KLHL14: variants seen among roughly 807,000 people sequenced by gnomAD.
KLHL14 encodes kelch-like protein 14.
KLHL14 carries 22 observed loss-of-function variants against 64.3 expected under a neutral mutation model. The ratio of observed to expected loss-of-function variants is 0.34; its 90% CI spans 0.24 to 0.49. The LOEUF (loss-of-function observed/expected upper bound fraction) is 0.49, where lower values mean the gene tolerates loss of function less well. Ranked by LOEUF, KLHL14 falls within the 20% of genes least tolerant of loss-of-function variation. The pLI, the probability that KLHL14 is intolerant of heterozygous loss-of-function variation, is 0.99. For synonymous variants in KLHL14, 322 were observed against 333.4 expected (o/e 0.97, Z 0.37); for missense variants, 661 against 789.0 (o/e 0.84, Z 1.94).
Position 32,770,863 on chromosome 18 carries a change from G to T in KLHL14, c.-43-229C>A. On this transcript the variant is annotated intron_variant, in intron 1 of 8. Coordinates refer to ENST00000359358, the MANE Select transcript of KLHL14 (RefSeq NM_020805.3). The surrounding 1 kb of genome is among the most constrained non-coding windows in gnomAD (Gnocchi z 6.7). ...GGGCCCTGTCTGGGGTCCCGGCGCCGGTTCTGCGCCCTGCGGCTCCTCTCG... is the reference window on the plus strand; with the variant it reads ...GGGCCCTGTCTGGGGTCCCGGCGCCTGTTCTGCGCCCTGCGGCTCCTCTCG... The T allele has an allele frequency of 2.1e-6, 1 of 471,106 alleles. No homozygotes were observed. Among genetic ancestry groups the T allele is most frequent in the Non-Finnish European group, 3.8e-6 (1 of 262,260 alleles). 29.2% of individuals were successfully genotyped at this position (471,106 alleles called of 1,614,324 possible).
chr18:32,725,088 C>T (rs563696068), intron 3 of KLHL14, among the ~76,000 whole-genome samples: 119 of 151,742 alleles, frequency 7.8e-4, no homozygotes, highest in African/African-American at 2.8e-3. Context: ...AATCAGAGAT[C>T]AGAGCTCACT....
intron 3 of KLHL14, among the ~76,000 whole-genome samples, chr18:32,717,492 C>T (rs2050052382): frequency 6.6e-6 from 1 of 152,170 alleles, no homozygotes; most frequent in South Asian, 2.1e-4. Context: ...TCATGCATTT[C>T]TTCATTCATG....
chr18:32,772,637 C>T (rs1174490019), intron 1 of KLHL14, 30 bp downstream of exon 1: 3 of 149,816 alleles, frequency 2.0e-5, no homozygotes, highest in African/African-American at 7.4e-5. Context: ...ACAAAATACA[C>T]ACAAGGCAGA....
chr18:32,684,490 T>C (rs941085107), intron 5 of KLHL14, among the ~76,000 whole-genome samples: 2 of 152,132 alleles, frequency 1.3e-5, no homozygotes, highest in African/African-American at 4.8e-5. Context: ...TATGGGCTGG[T>C]TGACCCAGGC....
chr18:32,766,391 A>T (rs1295945780), intron 2 of KLHL14, among the ~76,000 whole-genome samples: 1 of 152,028 alleles, frequency 6.6e-6, no homozygotes, highest in East Asian at 1.9e-4. Flanking sequence ...TATGAAACTA[A>T]ATTTTCATGC....
intron 3 of KLHL14, among the ~76,000 whole-genome samples, chr18:32,706,021 C>T (rs2049988478): frequency 6.6e-6 from 1 of 152,196 alleles, no homozygotes; most frequent in African/African-American, 2.4e-5. Context: ...TAACTTTGTT[C>T]CTTTTAGATA....
At chr18:32,734,096 A>G in intron 3 of KLHL14, 3 of 698,470 alleles carry the variant, frequency 4.3e-6, no homozygotes, top group South Asian at 1.5e-5. Context: ...CGCTTTGAGC[A>G]CAGCAGAAGA....
At chr18:32,679,269 A>G (rs1423701636) in intron 7 of KLHL14, among the ~76,000 whole-genome samples, 6 of 152,204 alleles carry the variant, frequency 3.9e-5, no homozygotes, top group Admixed American at 2.0e-4. Context: ...TAGAAAAAAC[A>G]TCTAGATCTA....
rs200168414 is a variant in KLHL14, at chr18:32,770,088, C to T, written c.504G>A (p.Gln168=). 1.1e-5 allele frequency: 17 copies of T among 1,614,038 alleles called. No homozygotes were observed. In the South Asian group the frequency reaches 1.6e-4, roughly 16 times the overall value. The part of the protein sequence containing the change: ...LSVSKILHIP[Q]VTKLCVQFLN... ...GGAACTGCACGCAGAGCTTGGTGAC[C>T]TGGGGGATGTGCAGGATCTTGCTGA... The change falls in exon 2 of 9, where the codon CAG becomes CAA. Residue 168 remains glutamine (Q), a synonymous_variant. Coordinates refer to ENST00000359358, the MANE Select transcript of KLHL14 (RefSeq NM_020805.3). The surrounding 1 kb of genome is among the most constrained non-coding windows in gnomAD (Gnocchi z 6.7).
intron 3 of KLHL14, among the ~76,000 whole-genome samples, chr18:32,705,920 G>A (rs762276762): frequency 6.6e-6 from 1 of 152,138 alleles, no homozygotes; most frequent in African/African-American, 2.4e-5. Context: ...TCCGGTGATC[G>A]TAGCCTCTGC....
intron 4 of KLHL14, among the ~76,000 whole-genome samples, chr18:32,694,819 T>C (rs1461095514): frequency 6.6e-6 from 1 of 152,226 alleles, no homozygotes; most frequent in African/African-American, 2.4e-5. Flanking sequence ...TTTCCAAAAA[T>C]ATCTTGATAA....
chr18:32,680,494 C>T lies in KLHL14; in HGVS notation c.1344G>A (p.Thr448=), dbSNP rs200976611. ...AAGAGGACACATAGCGCCATTCATT[C>T]GTTTCTAGGTTATAGCACTCCACGC... The part of the protein sequence containing the change: ...LSSVECYNLE[T]NEWRYVSSLP... The change falls in exon 6 of 9, where the codon ACG becomes ACA. Residue 448 remains threonine, a synonymous_variant. Coordinates refer to ENST00000359358, the MANE Select transcript of KLHL14 (RefSeq NM_020805.3). The surrounding 1 kb of genome is among the most constrained non-coding windows in gnomAD (Gnocchi z 4.8). The T allele has an allele frequency of 4.3e-6, 7 of 1,613,992 alleles. No individual in the cohort carries two copies. Among genetic ancestry groups the T allele is most frequent in the South Asian group, 3.3e-5 (3 of 91,086 alleles).
rs1483461745 is a variant in KLHL14, at chr18:32,695,566, A to G, written c.1070-14T>C. On this transcript the variant is annotated splice_polypyrimidine_tract_variant and intron_variant, in intron 3 of 8. Coordinates refer to ENST00000359358, the MANE Select transcript of KLHL14 (RefSeq NM_020805.3). Reference sequence around the variant, plus strand: ...TGTATGGCATAACTGAAATTAAGAAAAAAAAAAAAGACATATGAAATTTTC... The same window carrying G: ...TGTATGGCATAACTGAAATTAAGAAGAAAAAAAAAGACATATGAAATTTTC... 3 of 1,533,328 alleles carry G rather than the reference A, an allele frequency of 2.0e-6. No individual in the cohort carries two copies. Among genetic ancestry groups the G allele is most frequent in the East Asian group, 2.3e-5 (1 of 44,286 alleles). The allele number at this position is 1,533,328 out of a possible 1,614,324, so 95.0% of individuals were successfully genotyped here. A position where few individuals can be genotyped will look rare whatever the true frequency, so the allele number is the denominator to read the frequency against.
In KLHL14 at chr18:32,770,657, GGGAGGGAGGGGA is replaced by G; in HGVS notation, c.-43-35_-43-24del. ...AACCTGGCAGACAGGGGTGGGGGAT[GGGAGGGAGGGGA>G]GCAGGGTGGTGGAGCGGGTGGGGTG... is the stretch of plus-strand genomic sequence containing the variant. On this transcript the variant is annotated intron_variant, in intron 1 of 8. Transcript: ENST00000359358. The surrounding 1 kb of genome is among the most constrained non-coding windows in gnomAD (Gnocchi z 6.7). The G allele has an allele frequency of 7.5e-7, 1 of 1,336,276 alleles. No homozygotes were observed. Among genetic ancestry groups the G allele is most frequent in the Non-Finnish European group, 1.0e-6 (1 of 1,004,286 alleles). 82.8% of individuals were successfully genotyped at this position (1,336,276 alleles called of 1,614,324 possible).
chr18:32,746,077 C>A (rs2050222420), intron 2 of KLHL14, among the ~76,000 whole-genome samples: 1 of 152,132 alleles, frequency 6.6e-6, no homozygotes, highest in East Asian at 1.9e-4. Context: ...CATAGGGAAC[C>A]AATTTAGCCC....
In KLHL14 at chr18:32,673,985, ACT is replaced by A. The variant is rs920037802; in HGVS notation, c.*670_*671del. On this transcript the variant is annotated 3_prime_UTR_variant, in exon 9 of 9. Coordinates refer to ENST00000359358, the MANE Select transcript of KLHL14 (RefSeq NM_020805.3). ...TAAAATTGAGGACACAGAAATGACG[ACT>A]CTGTCTAGCCTAGAACCTATAGGGT... The A allele has an allele frequency of 6.6e-6, 1 of 152,122 alleles. No individual in the cohort carries two copies. Among genetic ancestry groups the A allele is most frequent in the Admixed American group, 6.6e-5 (1 of 15,260 alleles). The allele number at this position is 152,122 out of a possible 1,614,324, so 9.4% of individuals were successfully genotyped here. A position where few individuals can be genotyped will look rare whatever the true frequency, so the allele number is the denominator to read the frequency against.
chr18:32,728,662 AT>A (rs2013899031), intron 3 of KLHL14, among the ~76,000 whole-genome samples: 1 of 152,196 alleles, frequency 6.6e-6, no homozygotes, highest in South Asian at 2.1e-4. Flanking sequence ...TCTTGTTGTA[AT>A]GGTAAGGATG....
rs145395112 is a variant in KLHL14, at chr18:32,720,174, G to C, written c.1069+21754C>G. Among the ~76,000 whole-genome samples the C allele has an allele frequency of 4.6e-3, 707 of 152,324 alleles. 5 individuals are homozygous for C. Among genetic ancestry groups the C allele is most frequent in the Non-Finnish European group, 7.7e-3 (524 of 68,032 alleles). On this transcript the variant is annotated intron_variant, in intron 3 of 8. Transcript: ENST00000359358. ...AGGAAGATGTGTGGGATAGGAGAGA[G>C]AGCAGAAAGTAAATCTGAGAAGGCA...
chr18:32,758,278 G>A (rs2144546530), intron 2 of KLHL14, among the ~76,000 whole-genome samples: 1 of 152,132 alleles, frequency 6.6e-6, no homozygotes, highest in African/African-American at 2.4e-5. Flanking sequence ...TGCACCACCA[G>A]GCCCAGAGAC....
Sources: gnomAD v4.1 joint callset for allele counts (sites outside exome capture counted in the v4.1 genomes callset) on GRCh38, gnomAD v4.1.1 for gene constraint, Gnocchi (gnomAD v3.1) non-coding constraint, MANE v1.5 for transcripts, NCBI Gene and HGNC (gene_info 2026-07-23, HGNC 2026-07-21) for gene names.